Variants in TMED3 observed in about 807,000 individuals in gnomAD.
The protein encoded by TMED3 is transmembrane p24 trafficking protein 3, also known as transmembrane emp24 domain-containing protein 3.
TMED3 carries 9 observed loss-of-function variants against 15.0 expected under a neutral mutation model. That is an observed-to-expected ratio of 0.60 (90% CI 0.36 to 1.04). The LOEUF (loss-of-function observed/expected upper bound fraction) is 1.04, where lower values mean the gene tolerates loss of function less well. TMED3 is among the 50% of genes least tolerant of loss of function. The pLI is 0.01. For synonymous variants in TMED3, 117 were observed against 121.4 expected, an observed-to-expected ratio of 0.96 and a Z score of 0.24; for missense variants, 267 against 278.9, an observed-to-expected ratio of 0.96 and a Z score of 0.30.
At chr15:79,318,643 G>A (rs903142483) in intron 2 of TMED3, among the ~76,000 whole-genome samples, 3 of 152,218 alleles carry the variant, frequency 2.0e-5, no homozygotes, top group South Asian at 4.1e-4. Context: ...AGTTAGCTTT[G>A]ACACAGGTTC....
intron 2 of TMED3, among the ~76,000 whole-genome samples, chr15:79,364,457 G>C (rs1289179193): frequency 6.6e-6 from 1 of 151,978 alleles, no homozygotes; most frequent in Non-Finnish European, 1.5e-5. Context: ...CTGGGTAGAA[G>C]AGGTCGGTTC....
At chr15:79,377,653 T>C (rs896986751) in intron 2 of TMED3, among the ~76,000 whole-genome samples, 5 of 149,538 alleles carry the variant, frequency 3.3e-5, no homozygotes, top group Admixed American at 2.0e-4. Flanking sequence ...TCTTTTTTTT[T>C]TTTTTTTTTT....
At chr15:79,372,296 G>A (rs528223487) in intron 2 of TMED3, among the ~76,000 whole-genome samples, 4 of 152,278 alleles carry the variant, frequency 2.6e-5, no homozygotes, top group Admixed American at 2.6e-4. Context: ...AGGTAAAGAG[G>A]TTGAAGTACA....
chr15:79,387,844 C>T (rs1231747253), intron 2 of TMED3, among the ~76,000 whole-genome samples: 1 of 152,058 alleles, frequency 6.6e-6, no homozygotes, highest in South Asian at 2.1e-4. Context: ...CCTGATACTT[C>T]TTGATGCTAT....
chr15:79,343,894 T>C (rs2058859896), intron 2 of TMED3, among the ~76,000 whole-genome samples: 1 of 152,180 alleles, frequency 6.6e-6, no homozygotes, highest in African/African-American at 2.4e-5. Flanking sequence ...TAGCACTCTG[T>C]TTTGGCCATG....
chr15:79,390,555 T>C (rs1301963695), intron 2 of TMED3, among the ~76,000 whole-genome samples: 1 of 152,070 alleles, frequency 6.6e-6, no homozygotes, highest in Admixed American at 6.6e-5. Context: ...GCTACCTTTT[T>C]TGGTTAAGTC....
intron 2 of TMED3, among the ~76,000 whole-genome samples, chr15:79,400,326 T>G (rs1312368525): frequency 6.6e-6 from 1 of 152,246 alleles, no homozygotes; most frequent in South Asian, 2.1e-4. Flanking sequence ...CTTCCTGGCT[T>G]CTTCGGTGAT....
At chr15:79,396,679 C>T (rs762352073) in intron 2 of TMED3, among the ~76,000 whole-genome samples, 1 of 152,140 alleles carries the variant, frequency 6.6e-6, no homozygotes, top group Non-Finnish European at 1.5e-5. Flanking sequence ...TCAAAACGTG[C>T]ACTGCACAGA....
intron 2 of TMED3, among the ~76,000 whole-genome samples, chr15:79,366,440 C>T (rs528086197): frequency 1.3e-5 from 2 of 152,318 alleles, no homozygotes; most frequent in South Asian, 2.1e-4. Flanking sequence ...ACCGCTCATC[C>T]GCAACATTTA....
chr15:79,313,783 T>A lies in TMED3; in HGVS notation c.195T>A (p.Val65=). The A allele has an allele frequency of 6.2e-7, 1 of 1,614,190 alleles. No individual in the cohort carries two copies. The highest frequency in any genetic ancestry group is 8.5e-7 in the Non-Finnish European group (1 of 1,180,020). The stretch of plus-strand genomic sequence containing the variant: ...TCATCACTGGAGGCCACTACGATGT[T>A]GACTGCTATGTAGAGGACCCCCAGG... ...YQVITGGHYD[V]DCYVEDPQGN... is the part of the protein sequence containing the mutation. The change falls in exon 2 of 3, where the codon GTT becomes GTA. Residue 65 remains valine, a synonymous_variant. Transcript: ENST00000299705.
chr15:79,364,510 C>T (rs1354102769), intron 2 of TMED3, among the ~76,000 whole-genome samples: 1 of 152,076 alleles, frequency 6.6e-6, no homozygotes. Context: ...CCCCATGGCC[C>T]TAAGTGGGAA....
At chr15:79,324,595 G>A (rs2058780821), downstream of TMED3, among the ~76,000 whole-genome samples, 2 of 152,096 alleles carry the variant, frequency 1.3e-5, no homozygotes, top group Admixed American at 1.3e-4. Context: ...TTAATATATG[G>A]TAGAAATTAT....
intron 2 of TMED3, among the ~76,000 whole-genome samples, chr15:79,408,088 A>G (rs1893925491): frequency 6.6e-6 from 1 of 152,230 alleles, no homozygotes; most frequent in Admixed American, 6.5e-5. Context: ...ATGTGCTATA[A>G]AAATGGGAGG....
intron 2 of TMED3, among the ~76,000 whole-genome samples, chr15:79,387,585 CAT>C (rs1358489144): frequency 7.3e-6 from 1 of 136,060 alleles, no homozygotes; most frequent in South Asian, 2.4e-4. Context: ...TACACACACA[CAT>C]GCACCTGCAC....
At chr15:79,376,092 G>GTTTTTTTTTTTTTTTT (rs199728545) in intron 2 of TMED3, among the ~76,000 whole-genome samples, 6 of 112,064 alleles carry the variant, frequency 5.4e-5, no homozygotes, top group African/African-American at 2.2e-4. Flanking sequence ...CTAGAGAAAG[G>GTTTTTTTTTTTTTTTT]TTTTTTTTTT....
intron 2 of TMED3, among the ~76,000 whole-genome samples, chr15:79,368,580 G>A (rs1280628215): frequency 6.6e-6 from 1 of 151,964 alleles, no homozygotes; most frequent in Non-Finnish European, 1.5e-5. Flanking sequence ...AGGAATTGGG[G>A]GTTAATTCTA....
chr15:79,406,568 T>C (rs1308521223), intron 2 of TMED3, among the ~76,000 whole-genome samples: 2 of 152,158 alleles, frequency 1.3e-5, no homozygotes, highest in East Asian at 3.9e-4. Context: ...ACAGATCCCT[T>C]TGGGAAAGGA....
intron 2 of TMED3, among the ~76,000 whole-genome samples, chr15:79,387,750 GTCT>G (rs1893645244): frequency 6.6e-6 from 1 of 151,994 alleles, no homozygotes. Flanking sequence ...ATTTACCTGA[GTCT>G]TCTTTCAGTT....
At chr15:79,336,653 G>A (rs1239986007) in intron 2 of TMED3, among the ~76,000 whole-genome samples, 1 of 151,970 alleles carries the variant, frequency 6.6e-6, no homozygotes, top group Non-Finnish European at 1.5e-5. Context: ...TCACACCACT[G>A]TACTCCAGCC....
Sources: gnomAD v4.1 joint callset for allele counts (sites outside exome capture counted in the v4.1 genomes callset) on GRCh38, gnomAD v4.1.1 for gene constraint, MANE v1.5 for transcripts, NCBI Gene and HGNC (gene_info 2026-07-23, HGNC 2026-07-21) for gene names.